Variants in ELOVL7 observed in about 807,000 individuals in gnomAD.
ELOVL7 encodes very long chain fatty acid elongase 7.
In ELOVL7, 27 loss-of-function variants were observed where a neutral mutation model predicts 35.7. The ratio of observed to expected loss-of-function variants is 0.76; its 90% CI spans 0.56 to 1.04. The LOEUF (loss-of-function observed/expected upper bound fraction) is 1.04, where lower values mean the gene tolerates loss of function less well. Ranked by LOEUF, ELOVL7 falls within the 50% of genes least tolerant of loss-of-function variation. ELOVL7 has a pLI of 0.00. For synonymous variants in ELOVL7, 113 were observed against 114.6 expected (o/e 0.99, Z 0.09); for missense variants, 327 against 340.8 (o/e 0.96, Z 0.32).
intron 1 of ELOVL7, among the ~76,000 whole-genome samples, chr5:60,835,657 C>T (rs565068459): frequency 3.3e-5 from 5 of 151,972 alleles, no homozygotes; most frequent in Admixed American, 6.5e-5. Context: ...AAGTGATCCT[C>T]CCACTTAGGC....
chr5:60,842,267 G>A (rs1185203437), intron 1 of ELOVL7, among the ~76,000 whole-genome samples: 9 of 152,096 alleles, frequency 5.9e-5, no homozygotes, highest in Non-Finnish European at 1.2e-4. Flanking sequence ...TAACGAATGG[G>A]AGAGGAATGG....
At chr5:60,785,345 A>G (rs140970569) in intron 3 of ELOVL7, among the ~76,000 whole-genome samples, 97 of 152,358 alleles carry the variant, frequency 6.4e-4, no homozygotes, top group African/African-American at 2.3e-3. Context: ...ATCCATGGAT[A>G]AAAGTGGAAG....
intron 1 of ELOVL7, among the ~76,000 whole-genome samples, chr5:60,805,617 C>A (rs568041938): frequency 6.6e-6 from 1 of 152,282 alleles, no homozygotes; most frequent in African/African-American, 2.4e-5. Flanking sequence ...CAATTACACA[C>A]TATTGCATCT....
intron 2 of ELOVL7, among the ~76,000 whole-genome samples, chr5:60,790,097 A>G (rs1743839673): frequency 6.6e-6 from 1 of 152,172 alleles, no homozygotes. Context: ...AGATTGCGCC[A>G]TTGCACTCCA....
intron 1 of ELOVL7, among the ~76,000 whole-genome samples, chr5:60,823,360 G>A (rs536109517): frequency 1.4e-4 from 21 of 152,120 alleles, no homozygotes; most frequent in East Asian, 9.7e-4. Flanking sequence ...TCCTACATGC[G>A]CCCATAGCAT....
chr5:60,757,529 AT>A lies in ELOVL7; in HGVS notation c.615del (p.Lys205AsnfsTer3). The A allele has an allele frequency of 6.2e-7, 1 of 1,613,280 alleles. No homozygotes were observed. The highest frequency in any genetic ancestry group is 8.5e-7 in the Non-Finnish European group (1 of 1,179,558). On this transcript the variant is annotated frameshift_variant, in exon 8 of 9. Coordinates refer to ENST00000508821, the MANE Select transcript of ELOVL7 (RefSeq NM_024930.3). LOFTEE classifies it high-confidence loss of function. ...CTCACAAGCTGTAATGATGTCAAAT[AT>A]TTTTTCCACCACAAATACTTCTGGT... is the stretch of plus-strand genomic sequence containing the variant. ...PAYQKYLWWK[K>X]YLTSLQLVQF...
chr5:60,772,132 C>A, intron 3 of ELOVL7, 39 bp from the exon 4 acceptor site: 1 of 1,411,276 alleles, frequency 7.1e-7, no homozygotes, highest in Non-Finnish European at 9.6e-7. Context: ...ACCTGCTTAG[C>A]CAAGGGGTAA....
At chr5:60,770,948 C>T (rs1308893762) in intron 4 of ELOVL7, among the ~76,000 whole-genome samples, 1 of 152,218 alleles carries the variant, frequency 6.6e-6, no homozygotes, top group Non-Finnish European at 1.5e-5. Flanking sequence ...AATCCTCTTA[C>T]TTCAGCCTAC....
At chr5:60,837,315 T>TGGGGGGGGGGGGGG (rs1227317155) in intron 1 of ELOVL7, among the ~76,000 whole-genome samples, 2 of 24,506 alleles carry the variant, frequency 8.2e-5, no homozygotes, top group Non-Finnish European at 7.2e-5. Flanking sequence ...GGCGGGGGGG[T>TGGGGGGGGGGGGGG]GGGGGGGGAG....
At chr5:60,770,159 G>A (rs538173058) in intron 4 of ELOVL7, among the ~76,000 whole-genome samples, 1 of 152,106 alleles carries the variant, frequency 6.6e-6, no homozygotes, top group South Asian at 2.1e-4. Flanking sequence ...AGCAGTAAAT[G>A]AGAGTCAGAA....
intron 7 of ELOVL7, among the ~76,000 whole-genome samples, chr5:60,760,071 T>C (rs377766929): frequency 1.3e-5 from 2 of 152,180 alleles, no homozygotes; most frequent in African/African-American, 4.8e-5. Context: ...CAAGTCTTTG[T>C]TATTGTGAAT....
At chr5:60,819,572 A>G (rs1745766915) in intron 1 of ELOVL7, among the ~76,000 whole-genome samples, 1 of 152,124 alleles carries the variant, frequency 6.6e-6, no homozygotes, top group Non-Finnish European at 1.5e-5. Flanking sequence ...ACCTGAGGTC[A>G]GGAGTTTGAG....
chr5:60,804,432 G>A (rs1051895663), intron 1 of ELOVL7, among the ~76,000 whole-genome samples: 9 of 152,116 alleles, frequency 5.9e-5, no homozygotes, highest in Non-Finnish European at 8.8e-5. Context: ...TAGGCAGTGC[G>A]GAATGGGAGG....
chr5:60,787,382 G>T lies in ELOVL7; in HGVS notation c.16C>A (p.Leu6Ile). The T allele has an allele frequency of 6.2e-7, 1 of 1,602,912 alleles. No individual in the cohort carries two copies. The highest frequency in any genetic ancestry group is 8.5e-7 in the Non-Finnish European group (1 of 1,176,154). Reference sequence around the variant, plus strand: ...TAAAGATGCACAGTCCTCGATGTAAGATCACTGAAGGCCATTTTCCACAGG... The same window carrying T: ...TAAAGATGCACAGTCCTCGATGTAATATCACTGAAGGCCATTTTCCACAGG... MAFSD[L>I]TSRTVHLYDN... Residue 6 changes from leucine (L) to isoleucine (I), a missense_variant, in exon 3 of 9, where the codon CTT becomes ATT. Transcript: ENST00000508821.
intron 1 of ELOVL7, among the ~76,000 whole-genome samples, chr5:60,839,029 A>G (rs34540810): frequency 2.4e-5 from 2 of 83,192 alleles, no homozygotes; most frequent in Non-Finnish European, 6.3e-5. Flanking sequence ...GTCAAAAAAA[A>G]ATATATATAT....
In ELOVL7 at chr5:60,754,852, A is replaced by T. The variant is rs1431163782; in HGVS notation, c.637-19T>A. 4 of 1,593,904 alleles carry T rather than the reference A, an allele frequency of 2.5e-6. No homozygotes were observed. In the Admixed American group the frequency reaches 6.8e-5, roughly 27 times the overall value. On this transcript the variant is annotated intron_variant, in intron 8 of 8. Transcript: ENST00000508821. ...ACTGGACCTAAGAAATGAAAACGTGAAAAAAAATTATTCAGATATGAAGAG... is the reference window on the plus strand; with the variant it reads ...ACTGGACCTAAGAAATGAAAACGTGTAAAAAAATTATTCAGATATGAAGAG...
At chr5:60,805,112 T>C (rs892223709) in intron 1 of ELOVL7, among the ~76,000 whole-genome samples, 1 of 152,188 alleles carries the variant, frequency 6.6e-6, no homozygotes, top group Non-Finnish European at 1.5e-5. Context: ...AGCTGAGCCC[T>C]GGGAATAAAA....
chr5:60,836,424 C>T (rs141524143), intron 1 of ELOVL7, among the ~76,000 whole-genome samples: 1 of 152,166 alleles, frequency 6.6e-6, no homozygotes, highest in East Asian at 1.9e-4. Flanking sequence ...ATGAAGCTAT[C>T]AGCTGTGCTT....
At chr5:60,838,053 C>T (rs1177983378) in intron 1 of ELOVL7, among the ~76,000 whole-genome samples, 1 of 152,162 alleles carries the variant, frequency 6.6e-6, no homozygotes, top group Non-Finnish European at 1.5e-5. Context: ...AAATGGCAAG[C>T]GCCAGAGAGA....
Sources: allele counts gnomAD v4.1 joint callset (sites outside exome capture counted in the v4.1 genomes callset), GRCh38; gene constraint gnomAD v4.1.1; transcripts MANE v1.5; gene names NCBI Gene and HGNC (gene_info 2026-07-23, HGNC 2026-07-21).